The following SLC4A4 variants were observed in gnomAD, a reference collection of about 807,000 sequenced individuals.
SLC4A4 encodes the protein solute carrier family 4 member 4.
Under a neutral mutation model 111.5 loss-of-function variants are expected in SLC4A4, and 27 were observed. The observed-to-expected ratio is 0.24, with a 90% CI of 0.18 to 0.33. SLC4A4 has a LOEUF of 0.33. SLC4A4 is among the 10% of genes least tolerant of loss of function. The pLI is 1.00. For missense variants in SLC4A4, 909 were observed against 1,315.5 expected (o/e 0.69, Z 4.78); for synonymous variants, 443 against 463.4 (o/e 0.96, Z 0.57).
At chr4:71,244,879 A>G (rs1328543872) in intron 2 of SLC4A4, among the ~76,000 whole-genome samples, 4 of 151,944 alleles carry the variant, frequency 2.6e-5, no homozygotes, top group Admixed American at 1.3e-4. Context: ...ATGTGATAAC[A>G]TTGTAACTAG....
At chr4:71,114,465 C>A (rs1743192781) in intron 2 of SLC4A4, among the ~76,000 whole-genome samples, 1 of 149,502 alleles carries the variant, frequency 6.7e-6, no homozygotes, top group African/African-American at 2.5e-5. Flanking sequence ...CCAGAATCTA[C>A]AATGAACTCA....
chr4:71,085,599 G>A (rs1234688107), intron 1 of SLC4A4, among the ~76,000 whole-genome samples: 1 of 152,064 alleles, frequency 6.6e-6, no homozygotes, highest in African/African-American at 2.4e-5. Flanking sequence ...GTAAGGAAGG[G>A]ATCTAGTTTC....
Position 71,158,794 on chromosome 4 carries a change from G to C in SLC4A4, c.-2+66002G>C, listed in dbSNP as rs1313472404. ...TGGGTGAGGGCGGAGGAGAGTATGG[G>C]TAAAGTATGTGTGGGCCACCAGCAA... On this transcript the variant is annotated intron_variant, in intron 2 of 26. Transcript: ENST00000649996. Among the ~76,000 whole-genome samples the C allele has an allele frequency of 7.9e-5, 12 of 152,260 alleles. No individual in the cohort carries two copies. The South Asian group carries it at 1.2e-3, about 16-fold the overall frequency.
At chr4:71,289,280 C>T (rs1473109479) in intron 3 of SLC4A4, among the ~76,000 whole-genome samples, 2 of 152,074 alleles carry the variant, frequency 1.3e-5, no homozygotes, top group African/African-American at 4.8e-5. Context: ...AAATGGGATT[C>T]CCTTGCACTC....
chr4:71,082,812 A>T (rs1002084246), intron 1 of SLC4A4, among the ~76,000 whole-genome samples: 1 of 150,982 alleles, frequency 6.6e-6, no homozygotes, highest in East Asian at 1.9e-4. Context: ...AGAAATAATC[A>T]TTCATTCCTG....
chr4:71,309,942 G>T (rs1294895465), intron 3 of SLC4A4, among the ~76,000 whole-genome samples: 1 of 151,892 alleles, frequency 6.6e-6, no homozygotes, highest in East Asian at 2.0e-4. Flanking sequence ...TTGACAAAAG[G>T]TTACAGGAAC....
At chr4:71,456,013 A>G (rs915337898) in intron 12 of SLC4A4, among the ~76,000 whole-genome samples, 2 of 152,342 alleles carry the variant, frequency 1.3e-5, no homozygotes, top group Admixed American at 1.3e-4. Flanking sequence ...AGATTTCAAG[A>G]GGAACGTAAA....
intron 7 of SLC4A4, among the ~76,000 whole-genome samples, chr4:71,429,578 G>A (rs1321523362): frequency 2.0e-5 from 3 of 152,162 alleles, no homozygotes; most frequent in Non-Finnish European, 2.9e-5. Flanking sequence ...TAATAGCCTG[G>A]TAAAGACAAA....
chr4:71,228,451 A>T (rs1719186908), intron 1 of SLC4A4, among the ~76,000 whole-genome samples: 1 of 152,136 alleles, frequency 6.6e-6, no homozygotes, highest in Non-Finnish European at 1.5e-5. Flanking sequence ...TTTATATTTG[A>T]CTTAACTGAA....
chr4:71,230,512 C>T (rs898104622), intron 1 of SLC4A4, among the ~76,000 whole-genome samples: 4 of 152,100 alleles, frequency 2.6e-5, no homozygotes, highest in Non-Finnish European at 4.4e-5. Flanking sequence ...TGGGGTTCAC[C>T]GGATGTCATA....
intron 3 of SLC4A4, among the ~76,000 whole-genome samples, chr4:71,331,728 T>C (rs1223728145): frequency 2.1e-5 from 3 of 140,748 alleles, no homozygotes; most frequent in African/African-American, 7.9e-5. Context: ...CTTAAAGTAT[T>C]GAAAAAAAAA....
At chr4:71,549,125 A>T (rs1339292601) in intron 20 of SLC4A4, among the ~76,000 whole-genome samples, 1 of 151,920 alleles carries the variant, frequency 6.6e-6, no homozygotes, top group Admixed American at 6.6e-5. Flanking sequence ...GTAAAAGAGT[A>T]CAGAGCTTAT....
At chr4:71,527,723 G>A (rs1056485553) in intron 16 of SLC4A4, among the ~76,000 whole-genome samples, 3 of 151,622 alleles carry the variant, frequency 2.0e-5, no homozygotes, top group Non-Finnish European at 4.4e-5. Context: ...AGAGCTATCT[G>A]CCTTTTAAAT....
intron 2 of SLC4A4, among the ~76,000 whole-genome samples, chr4:71,176,067 G>A (rs1745086378): frequency 6.6e-6 from 1 of 152,198 alleles, no homozygotes; most frequent in Non-Finnish European, 1.5e-5. Flanking sequence ...AGGCAAACAT[G>A]GTCTGGAGTG....
At chr4:71,201,505 G>C (rs569799539) in intron 1 of SLC4A4, among the ~76,000 whole-genome samples, 19 of 152,328 alleles carry the variant, frequency 1.2e-4, no homozygotes, top group Admixed American at 6.5e-4. Flanking sequence ...CAAAGACTTC[G>C]TGCCTTATGA....
At chr4:71,069,668 A>T (rs376046958) in intron 1 of SLC4A4, among the ~76,000 whole-genome samples, 14 of 152,288 alleles carry the variant, frequency 9.2e-5, no homozygotes, top group African/African-American at 3.4e-4. Context: ...TTTTCTCAAC[A>T]TCTCCAAGTC....
intron 6 of SLC4A4, among the ~76,000 whole-genome samples, chr4:71,380,890 G>A (rs1254399583): frequency 6.6e-6 from 1 of 152,174 alleles, no homozygotes; most frequent in Non-Finnish European, 1.5e-5. Context: ...AGACACTGAT[G>A]AGTCAGTATT....
At chr4:71,180,943 T>C (rs1032297048) in intron 2 of SLC4A4, among the ~76,000 whole-genome samples, 2 of 152,028 alleles carry the variant, frequency 1.3e-5, no homozygotes, top group African/African-American at 2.4e-5. Flanking sequence ...CTATTCACAA[T>C]AGCAAAGACT....
intron 2 of SLC4A4, among the ~76,000 whole-genome samples, chr4:71,098,323 A>G (rs1281630986): frequency 1.3e-5 from 2 of 152,176 alleles, no homozygotes; most frequent in Non-Finnish European, 2.9e-5. Flanking sequence ...TTTGTTGAAG[A>G]TCAAATGATC....
Sources: gnomAD v4.1 joint callset for allele counts (sites outside exome capture counted in the v4.1 genomes callset) on GRCh38, gnomAD v4.1.1 for gene constraint, MANE v1.5 for transcripts, NCBI Gene and HGNC (gene_info 2026-07-23, HGNC 2026-07-21) for gene names.